Variants in EFNA5 observed in about 807,000 individuals in gnomAD.
The protein encoded by EFNA5 is ephrin A5, also known as ephrin-A5.
A neutral mutation model predicts 22.9 loss-of-function variants in EFNA5; 5 were observed. The ratio of observed to expected loss-of-function variants is 0.22; its 90% confidence interval spans 0.11 to 0.46. The LOEUF (loss-of-function observed/expected upper bound fraction) is 0.46. Ranked by LOEUF, EFNA5 falls within the 20% of genes least tolerant of loss-of-function variation. The probability of loss-of-function intolerance (pLI) is 0.99; values close to 1 mark genes in which losing one functional copy is unlikely to be tolerated. For synonymous variants in EFNA5, 113 were observed against 112.2 expected (o/e 1.01, Z -0.04); for missense variants, 237 against 293.3 (o/e 0.81, Z 1.40).
chr5:107,621,001 G>A (rs1471520980), intron 1 of EFNA5, among the ~76,000 whole-genome samples: 1 of 152,164 alleles, frequency 6.6e-6, no homozygotes, highest in Non-Finnish European at 1.5e-5. Flanking sequence ...AAAGTAATTT[G>A]TTATGTCTAG....
At chr5:107,419,528 G>A (rs1467155989) in intron 2 of EFNA5, among the ~76,000 whole-genome samples, 2 of 152,104 alleles carry the variant, frequency 1.3e-5, no homozygotes, top group Non-Finnish European at 2.9e-5. Flanking sequence ...AAACTAAATA[G>A]TTTTTGGTGA....
chr5:107,449,249 C>A (rs1414912958), intron 1 of EFNA5, among the ~76,000 whole-genome samples: 1 of 151,960 alleles, frequency 6.6e-6, no homozygotes, highest in East Asian at 1.9e-4. Context: ...AAGTGAAGAG[C>A]AGCTATAACC....
chr5:107,458,234 C>T (rs1749744613), intron 1 of EFNA5, among the ~76,000 whole-genome samples: 1 of 152,066 alleles, frequency 6.6e-6, no homozygotes, highest in Non-Finnish European at 1.5e-5. Flanking sequence ...ATCTGATATG[C>T]CTTTAATCAG....
intron 1 of EFNA5, among the ~76,000 whole-genome samples, chr5:107,639,171 C>T (rs1750448818): frequency 6.6e-6 from 1 of 152,200 alleles, no homozygotes. Context: ...GAATAACCTA[C>T]ATAAGTTAGA....
intron 1 of EFNA5, among the ~76,000 whole-genome samples, chr5:107,581,725 T>C (rs1172292647): frequency 6.6e-6 from 1 of 152,172 alleles, no homozygotes; most frequent in Admixed American, 6.5e-5. Context: ...CTGCTTAGTG[T>C]GTAAATGGGA....
intron 1 of EFNA5, among the ~76,000 whole-genome samples, chr5:107,617,053 A>G (rs542898609): frequency 5.2e-4 from 79 of 152,312 alleles, no homozygotes; most frequent in African/African-American, 1.8e-3. Context: ...AGGATCACCA[A>G]GAACCAAATC....
At chr5:107,460,212 T>A (rs1749798300) in intron 1 of EFNA5, among the ~76,000 whole-genome samples, 1 of 152,148 alleles carries the variant, frequency 6.6e-6, no homozygotes, top group African/African-American at 2.4e-5. Context: ...GGAAAGTATC[T>A]CCTTTTTGAT....
chr5:107,534,486 C>T (rs1392394894), intron 1 of EFNA5, among the ~76,000 whole-genome samples: 1 of 152,144 alleles, frequency 6.6e-6, no homozygotes, highest in Non-Finnish European at 1.5e-5. Flanking sequence ...GTTGTGGTTG[C>T]AATAATAGAC....
At chr5:107,615,958 A>G (rs1333629755) in intron 1 of EFNA5, among the ~76,000 whole-genome samples, 1 of 152,204 alleles carries the variant, frequency 6.6e-6, no homozygotes, top group East Asian at 1.9e-4. Context: ...AGAAAGAACA[A>G]TTCTGCATTT....
intron 1 of EFNA5, among the ~76,000 whole-genome samples, chr5:107,616,335 G>C (rs1349687572): frequency 6.6e-6 from 1 of 152,132 alleles, no homozygotes; most frequent in South Asian, 2.1e-4. Flanking sequence ...GGGATGGGTC[G>C]ATTTGCCTTC....
chr5:107,562,575 T>A (rs37446), intron 1 of EFNA5, among the ~76,000 whole-genome samples: 99,979 of 151,828 alleles, frequency 0.66, 34,186 homozygotes, highest in African/African-American at 0.84. Context: ...CATGGCCCAT[T>A]AAAAAAAACT....
At chr5:107,521,260 A>AGTAT (rs939636518) in intron 1 of EFNA5, among the ~76,000 whole-genome samples, 12 of 151,868 alleles carry the variant, frequency 7.9e-5, no homozygotes, top group Admixed American at 3.9e-4. Context: ...TAAACTTTAG[A>AGTAT]GTATGTATGT....
chr5:107,517,429 G>A (rs1024463883), intron 1 of EFNA5, among the ~76,000 whole-genome samples: 5 of 152,144 alleles, frequency 3.3e-5, no homozygotes, highest in Non-Finnish European at 5.9e-5. Flanking sequence ...CAAATCACTC[G>A]GTGCTTCTTG....
intron 2 of EFNA5, among the ~76,000 whole-genome samples, chr5:107,401,671 T>A (rs1384614956): frequency 6.6e-6 from 1 of 152,082 alleles, no homozygotes; most frequent in Non-Finnish European, 1.5e-5. Context: ...AGATGAGAAA[T>A]CAGTAAATTC....
chr5:107,616,589 C>CGT (rs983779442), intron 1 of EFNA5, among the ~76,000 whole-genome samples: 1 of 151,720 alleles, frequency 6.6e-6, no homozygotes, highest in Admixed American at 6.6e-5. Context: ...CAGAGCTGCT[C>CGT]GTGTGTGTGT....
At position 107,381,339 on chromosome 5, in the gene EFNA5, G is replaced by T. The variant is rs757106205; in HGVS notation, c.603C>A (p.Gly201=). 1.2e-6 allele frequency: 2 copies of T among 1,613,826 alleles called. No individual in the cohort carries two copies. Among genetic ancestry groups the T allele is most frequent in the African/African-American group, 2.7e-5 (2 of 74,898 alleles). ...TVHESAEPSR[G]ENAAQTPRIP... ...TCCTTGGTGTTTGTGCCGCGTTCTC[G>T]CCGCGGGATGGCTCGGCTGACTCAT... is the stretch of plus-strand genomic sequence containing the variant. Residue 201 remains glycine, a synonymous_variant, in exon 5 of 5, where the codon GGC becomes GGA. Transcript: ENST00000333274.
intron 1 of EFNA5, among the ~76,000 whole-genome samples, chr5:107,631,377 C>CAT (rs143038359): frequency 0.018 from 2,604 of 147,530 alleles, 46 homozygotes; most frequent in African/African-American, 0.039. Flanking sequence ...TACACATGTA[C>CAT]ATATATATAT....
chr5:107,500,587 C>T (rs1294465372), intron 1 of EFNA5, among the ~76,000 whole-genome samples: 3 of 152,104 alleles, frequency 2.0e-5, no homozygotes, highest in Non-Finnish European at 2.9e-5. Flanking sequence ...CAACCCTATC[C>T]TCATATGGTG....
chr5:107,532,695 G>A (rs1216752137), intron 1 of EFNA5, among the ~76,000 whole-genome samples: 2 of 152,210 alleles, frequency 1.3e-5, no homozygotes, highest in Non-Finnish European at 2.9e-5. Flanking sequence ...GGGCACCAGA[G>A]TGACCTCTAC....
Sources: allele counts gnomAD v4.1 joint callset (sites outside exome capture counted in the v4.1 genomes callset), GRCh38; gene constraint gnomAD v4.1.1; transcripts MANE v1.5; gene names NCBI Gene and HGNC (gene_info 2026-07-23, HGNC 2026-07-21).